GLYATL2: variants seen among roughly 807,000 people sequenced by gnomAD.
GLYATL2 encodes the protein glycine N-acyltransferase-like protein 2.
In GLYATL2, 25 loss-of-function variants were observed where a neutral mutation model predicts 21.4. The observed-to-expected ratio is 1.17, with a 90% CI of 0.85 to 1.63. GLYATL2 has a LOEUF of 1.63. Among genes scored for constraint, GLYATL2 ranks in the 40% most tolerant of loss-of-function variants. GLYATL2 has a pLI of 0.00. For synonymous variants in GLYATL2, 114 were observed against 118.2 expected (o/e 0.96, Z 0.23); for missense variants, 361 against 343.3 (o/e 1.05, Z -0.41).
intron 1 of GLYATL2, among the ~76,000 whole-genome samples, chr11:58,891,862 C>T (rs569828704): frequency 2.6e-5 from 4 of 151,914 alleles, no homozygotes; most frequent in African/African-American, 9.7e-5. Context: ...GCTGGGTGCT[C>T]GGTGATGCTG....
upstream of GLYATL2, among the ~76,000 whole-genome samples, chr11:58,847,084 G>A (rs1168278102): frequency 6.6e-6 from 1 of 151,994 alleles, no homozygotes; most frequent in African/African-American, 2.4e-5. Context: ...CTAGACATTT[G>A]CTGGGCTGGA....
Position 58,834,699 on chromosome 11 carries a change from C to G in GLYATL2, c.615G>C (p.Leu205=). Residue 205 remains leucine, a synonymous_variant, in exon 6 of 6, where the codon CTG becomes CTC. Transcript: ENST00000287275. ...AAGAGACAAGCTGGCCCTCTGGACCCAGCACACCAAATCCTAGAAAATCCT... is the reference window on the plus strand; with the variant it reads ...AAGAGACAAGCTGGCCCTCTGGACCGAGCACACCAAATCCTAGAAAATCCT... ...CLQDFLGFGV[L]GPEGQLVSWI... is the part of the protein sequence containing the mutation. 9 of 1,613,522 alleles carry G rather than the reference C, an allele frequency of 5.6e-6. No individual in the cohort carries two copies. Among genetic ancestry groups the G allele is most frequent in the Non-Finnish European group, 7.6e-6 (9 of 1,179,988 alleles).
At position 58,850,187 on chromosome 11, in the gene GLYATL2, CT is replaced by C. The variant is rs796490217; in HGVS notation, n.61-11820del. 8.5e-5 allele frequency among the ~76,000 whole-genome samples: 13 copies of C among 152,274 alleles called. 1 individual carries two copies. Among genetic ancestry groups the C allele is most frequent in the African/African-American group, 2.6e-4 (11 of 41,570 alleles). On this transcript the variant is annotated intron_variant and non_coding_transcript_variant, in intron 1 of 4. Coordinates refer to the GLYATL2 transcript ENST00000533636. ...CAGCTATTGGAAAAAAGGCTTTCAG[CT>C]TTTCCCCATTCAGTGTGATACTAGC...
intron 1 of GLYATL2, among the ~76,000 whole-genome samples, chr11:58,899,636 A>AG (rs1194901766): frequency 2.0e-5 from 3 of 152,154 alleles, no homozygotes; most frequent in African/African-American, 4.8e-5. Flanking sequence ...AAGAAGGAAC[A>AG]GAGCCAAGCA....
intron 1 of GLYATL2, among the ~76,000 whole-genome samples, chr11:58,884,427 CA>C (rs1854399499): frequency 6.6e-6 from 1 of 152,158 alleles, no homozygotes; most frequent in Non-Finnish European, 1.5e-5. Flanking sequence ...AACAGACAAA[CA>C]GAGAGCCAAA....
chr11:58,898,084 T>A (rs974997071), intron 1 of GLYATL2, among the ~76,000 whole-genome samples: 1 of 152,258 alleles, frequency 6.6e-6, no homozygotes, highest in Non-Finnish European at 1.5e-5. Flanking sequence ...TAATTTTTAT[T>A]CAATCACTAG....
intron 1 of GLYATL2, among the ~76,000 whole-genome samples, chr11:58,856,921 G>T (rs1482683968): frequency 6.6e-6 from 1 of 152,242 alleles, no homozygotes; most frequent in East Asian, 1.9e-4. Context: ...CTTGCTTGAT[G>T]CAGGGTTGAC....
At chr11:58,885,755 G>A (rs1396421781) in intron 1 of GLYATL2, among the ~76,000 whole-genome samples, 1 of 152,212 alleles carries the variant, frequency 6.6e-6, no homozygotes, top group Non-Finnish European at 1.5e-5. Context: ...GGAGGGGGAA[G>A]GGGAGGAAAA....
intron 1 of GLYATL2, among the ~76,000 whole-genome samples, chr11:58,841,855 G>T (rs1853559201): frequency 6.6e-6 from 1 of 152,192 alleles, no homozygotes; most frequent in Admixed American, 6.5e-5. Flanking sequence ...AGATGGCAGT[G>T]CATTTTGGAG....
At chr11:58,854,158 G>T (rs566218528) in intron 1 of GLYATL2, among the ~76,000 whole-genome samples, 1 of 152,264 alleles carries the variant, frequency 6.6e-6, no homozygotes, top group Admixed American at 6.5e-5. Context: ...AAGCTGATTA[G>T]TATTCTATTG....
intron 1 of GLYATL2, among the ~76,000 whole-genome samples, chr11:58,869,408 G>T (rs1854077351): frequency 6.6e-6 from 1 of 152,088 alleles, no homozygotes; most frequent in African/African-American, 2.4e-5. Flanking sequence ...AGTCTGGGGA[G>T]GTTTGGCCTT....
upstream of GLYATL2, chr11:58,907,170 C>T: frequency 2.2e-6 from 1 of 446,918 alleles, no homozygotes; most frequent in Non-Finnish European, 4.5e-6. Context: ...GATCAGTACA[C>T]AGTTGAATAC....
At chr11:58,847,920 G>T, upstream of GLYATL2, among the ~76,000 whole-genome samples, 1 of 151,612 alleles carries the variant, frequency 6.6e-6, no homozygotes, top group Non-Finnish European at 1.5e-5. Context: ...ATCTAGCACA[G>T]TCATAATGGC....
Position 58,839,652 on chromosome 11 carries a change from T to C in GLYATL2, c.-40A>G, listed in dbSNP as rs1160421784. 2.7e-6 allele frequency: 4 copies of C among 1,473,270 alleles called. No homozygotes were observed. The South Asian group carries it at 3.6e-5, about 13-fold the overall frequency. 91.3% of individuals were successfully genotyped at this position (1,473,270 alleles called of 1,614,324 possible). On this transcript the variant is annotated splice_region_variant and 5_prime_UTR_variant, in exon 2 of 6. Coordinates refer to ENST00000287275, the MANE Select transcript of GLYATL2 (RefSeq NM_145016.4). The stretch of plus-strand genomic sequence containing the variant: ...CAGCTTCTTTCCCTCAAGAAGATGA[T>C]CTAAGGAAATAAACACAAAAACAAA...
intron 1 of GLYATL2, among the ~76,000 whole-genome samples, chr11:58,842,090 T>C (rs775130377): frequency 3.9e-5 from 6 of 152,204 alleles, no homozygotes; most frequent in Non-Finnish European, 8.8e-5. Flanking sequence ...TAGGCCAATG[T>C]GTAAACAGGA....
chr11:58,878,287 G>T (rs1353011647), intron 1 of GLYATL2: 68 of 470,562 alleles, frequency 1.4e-4, no homozygotes, highest in Non-Finnish European at 7.5e-6. Context: ...CTGAAGTGGA[G>T]CTTCTAGTAT....
chr11:58,866,339 C>T (rs1207054170), intron 1 of GLYATL2, among the ~76,000 whole-genome samples: 1 of 148,826 alleles, frequency 6.7e-6, no homozygotes, highest in African/African-American at 2.4e-5. Context: ...TCTATGCCTT[C>T]CCACCAGCCA....
intron 1 of GLYATL2, among the ~76,000 whole-genome samples, chr11:58,865,127 A>G (rs949766737): frequency 1.6e-5 from 2 of 127,812 alleles, no homozygotes; most frequent in Non-Finnish European, 3.4e-5. Context: ...TATGTCAGTC[A>G]TACCACAATA....
intron 5 of GLYATL2, among the ~76,000 whole-genome samples, chr11:58,835,611 T>C (rs1853415350): frequency 6.6e-6 from 1 of 152,194 alleles, no homozygotes; most frequent in South Asian, 2.1e-4. Context: ...AGTCACTTCA[T>C]GTTTGCCAGT....
Sources: gnomAD v4.1 joint callset for allele counts (sites outside exome capture counted in the v4.1 genomes callset) on GRCh38, gnomAD v4.1.1 for gene constraint, MANE v1.5 for transcripts, NCBI Gene and HGNC (gene_info 2026-07-23, HGNC 2026-07-21) for gene names.